RBFOX1: variants seen among roughly 807,000 people sequenced by gnomAD.
The protein encoded by RBFOX1 is RNA binding protein fox-1 homolog 1.
A neutral mutation model predicts 57.7 loss-of-function variants in RBFOX1; 8 were observed. The observed-to-expected ratio is 0.14, with a 90% CI of 0.08 to 0.25. The LOEUF is 0.25. RBFOX1 is among the 10% of genes least tolerant of loss of function. The probability of loss-of-function intolerance (pLI) is 1.00; values close to 1 mark genes in which losing one functional copy is unlikely to be tolerated. For missense variants in RBFOX1, 611 were observed against 548.5 expected (o/e 1.11, Z -1.14); for synonymous variants, 326 against 222.4 (o/e 1.47, Z -4.15).
At chr16:6,219,107 G>T (rs961524232) in intron 1 of RBFOX1, among the ~76,000 whole-genome samples, 3 of 152,158 alleles carry the variant, frequency 2.0e-5, no homozygotes, top group Non-Finnish European at 4.4e-5. Context: ...TGTAAATTGA[G>T]AGCAAAGGTC....
chr16:5,964,664 C>T (rs1287298088), intron 4 of RBFOX1, among the ~76,000 whole-genome samples: 1 of 151,630 alleles, frequency 6.6e-6, no homozygotes, highest in South Asian at 2.1e-4. Flanking sequence ...CATACAGTGA[C>T]TTTTAGGCCA....
intron 3 of RBFOX1, among the ~76,000 whole-genome samples, chr16:6,805,973 G>A (rs2086675291): frequency 6.6e-5 from 10 of 152,170 alleles, no homozygotes; most frequent in Admixed American, 6.5e-4. Context: ...AAAAGGAGGA[G>A]TTACCTTTTG....
At chr16:7,018,144 C>T (rs1391010702) in intron 3 of RBFOX1, among the ~76,000 whole-genome samples, 1 of 152,134 alleles carries the variant, frequency 6.6e-6, no homozygotes, top group Non-Finnish European at 1.5e-5. Flanking sequence ...ATCTGGAAAT[C>T]TGTCTTAAGC....
At chr16:6,325,993 C>T (rs994659979) in intron 2 of RBFOX1, among the ~76,000 whole-genome samples, 1 of 152,160 alleles carries the variant, frequency 6.6e-6, no homozygotes, top group Non-Finnish European at 1.5e-5. Flanking sequence ...AAGGGATGTC[C>T]TCTCCCACTG....
chr16:6,007,964 A>G (rs886190998), intron 4 of RBFOX1, among the ~76,000 whole-genome samples: 1 of 152,136 alleles, frequency 6.6e-6, no homozygotes, highest in Non-Finnish European at 1.5e-5. Context: ...TGTAATCCCA[A>G]CACCTTAGGA....
intron 4 of RBFOX1, among the ~76,000 whole-genome samples, chr16:7,369,866 C>G (rs183296083): frequency 1.3e-5 from 2 of 152,304 alleles, no homozygotes; most frequent in East Asian, 1.9e-4. Flanking sequence ...TTTCTTGCAG[C>G]CAGCCTGCAA....
chr16:7,124,549 C>T (rs1167069151), intron 4 of RBFOX1, among the ~76,000 whole-genome samples: 1 of 119,772 alleles, frequency 8.3e-6, no homozygotes, highest in African/African-American at 3.2e-5. Flanking sequence ...CTCTCTCCCT[C>T]CCTCCCTCCC....
At chr16:6,033,119 C>T (rs561430148) in intron 1 of RBFOX1, among the ~76,000 whole-genome samples, 4 of 152,074 alleles carry the variant, frequency 2.6e-5, no homozygotes, top group Admixed American at 1.3e-4. Context: ...CAGCAAATTG[C>T]GTGCTAATAG....
At chr16:6,249,716 G>T (rs2097592298) in intron 1 of RBFOX1, among the ~76,000 whole-genome samples, 1 of 151,642 alleles carries the variant, frequency 6.6e-6, no homozygotes, top group African/African-American at 2.4e-5. Flanking sequence ...ATCTTAGAAT[G>T]ATGGGAAAAC....
intron 1 of RBFOX1, among the ~76,000 whole-genome samples, chr16:6,255,851 T>C (rs1012209886): frequency 3.3e-5 from 5 of 151,700 alleles, no homozygotes; most frequent in African/African-American, 9.7e-5. Flanking sequence ...TGAGAATACA[T>C]GGATACAGGG....
At chr16:6,063,810 G>A (rs1055891867) in intron 1 of RBFOX1, among the ~76,000 whole-genome samples, 9 of 152,220 alleles carry the variant, frequency 5.9e-5, no homozygotes, top group African/African-American at 2.2e-4. Context: ...TCCATTAGGT[G>A]GTCACTGGGA....
chr16:6,441,424 T>C (rs1256926499), intron 2 of RBFOX1, among the ~76,000 whole-genome samples: 1 of 152,136 alleles, frequency 6.6e-6, no homozygotes, highest in African/African-American at 2.4e-5. Context: ...TTTTGTTTTT[T>C]CTTTTTTTTG....
intron 2 of RBFOX1, among the ~76,000 whole-genome samples, chr16:6,625,564 C>T (rs1336513983): frequency 3.3e-5 from 5 of 152,184 alleles, no homozygotes; most frequent in African/African-American, 7.2e-5. Flanking sequence ...ATTTTTCTCT[C>T]TGCCTACTCA....
At chr16:6,622,681 G>C (rs2098250293) in intron 2 of RBFOX1, among the ~76,000 whole-genome samples, 1 of 152,166 alleles carries the variant, frequency 6.6e-6, no homozygotes, top group Non-Finnish European at 1.5e-5. Flanking sequence ...AAATGAATGA[G>C]TGAGCAATTT....
intron 2 of RBFOX1, among the ~76,000 whole-genome samples, chr16:6,592,965 A>G (rs918842792): frequency 5.3e-5 from 8 of 152,052 alleles, no homozygotes; most frequent in African/African-American, 1.7e-4. Flanking sequence ...GGCTGAGGCA[A>G]GCGGATCATC....
Position 5,692,786 on chromosome 16 carries a change from GCA to G in RBFOX1, c.318+93828_318+93829del, listed in dbSNP as rs60953974. On this transcript the variant is annotated intron_variant, in intron 3 of 19. Transcript: ENST00000641259. ...GACACAGCCCACCGAACAAGAAAACGCACAGAGTCCAGGCAAGAGGGTTGTGC... is the reference window on the plus strand; with the variant it reads ...GACACAGCCCACCGAACAAGAAAACGCAGAGTCCAGGCAAGAGGGTTGTGC... Among the ~76,000 whole-genome samples the G allele has an allele frequency of 9.1e-4, 138 of 152,130 alleles. 1 individual carries two copies. Among genetic ancestry groups the G allele is most frequent in the African/African-American group, 3.1e-3 (128 of 41,496 alleles).
intron 3 of RBFOX1, among the ~76,000 whole-genome samples, chr16:6,952,350 G>C (rs1266509028): frequency 4.6e-5 from 7 of 152,162 alleles, no homozygotes; most frequent in African/African-American, 9.7e-5. Context: ...ACTTAGACCT[G>C]TTAGAAAGTA....
chr16:6,540,427 C>T (rs574012291), intron 2 of RBFOX1, among the ~76,000 whole-genome samples: 24 of 151,748 alleles, frequency 1.6e-4, no homozygotes, highest in African/African-American at 5.3e-4. Flanking sequence ...TCCTGGCCAA[C>T]ATGGTAAAAC....
intron 1 of RBFOX1, among the ~76,000 whole-genome samples, chr16:5,419,552 C>T (rs543363690): frequency 6.6e-6 from 1 of 152,056 alleles, no homozygotes; most frequent in Non-Finnish European, 1.5e-5. Context: ...CACCCAGGAA[C>T]AATGGGTGTG....
Sources: allele counts gnomAD v4.1 joint callset (sites outside exome capture counted in the v4.1 genomes callset), GRCh38; gene constraint gnomAD v4.1.1; transcripts MANE v1.5; gene names NCBI Gene and HGNC (gene_info 2026-07-23, HGNC 2026-07-21).